The following CNTN5 variants were observed in gnomAD, a reference collection of about 807,000 sequenced individuals.
CNTN5 encodes the protein contactin 5, also known as contactin-5.
A neutral mutation model predicts 129.1 loss-of-function variants in CNTN5; 77 were observed. The ratio of observed to expected loss-of-function variants is 0.60; its 90% CI spans 0.50 to 0.72. The LOEUF (loss-of-function observed/expected upper bound fraction) is 0.72, where lower values mean the gene tolerates loss of function less well. CNTN5 is among the 30% of genes least tolerant of loss of function. The probability of loss-of-function intolerance (pLI) is 0.00; values close to 1 mark genes in which losing one functional copy is unlikely to be tolerated. For missense variants in CNTN5, 1,478 were observed against 1,328.8 expected, an observed-to-expected ratio of 1.11 and a Z score of -1.75; for synonymous variants, 509 against 465.6, an observed-to-expected ratio of 1.09 and a Z score of -1.20.
intron 16 of CNTN5, among the ~76,000 whole-genome samples, chr11:100,236,665 TA>T (rs552567872): frequency 1.3e-4 from 20 of 152,084 alleles, no homozygotes; most frequent in Non-Finnish European, 2.4e-4. Flanking sequence ...GACATGCTCC[TA>T]TAAGTTCCCC....
intron 2 of CNTN5, among the ~76,000 whole-genome samples, chr11:99,451,618 A>C (rs1048662329): frequency 6.6e-6 from 1 of 152,124 alleles, no homozygotes; most frequent in Admixed American, 6.5e-5. Flanking sequence ...GAGCAGAATT[A>C]TTTTTTTGCC....
intron 17 of CNTN5, among the ~76,000 whole-genome samples, chr11:100,260,438 C>T (rs113243028): frequency 0.018 from 2,787 of 152,296 alleles, 99 homozygotes; most frequent in African/African-American, 0.064. Flanking sequence ...CTCCCTAACT[C>T]ATTTTAAGAG....
chr11:99,461,745 C>A (rs541973522), intron 2 of CNTN5, among the ~76,000 whole-genome samples: 45 of 152,114 alleles, frequency 3.0e-4, no homozygotes, highest in African/African-American at 1.1e-3. Context: ...AGTATAAACT[C>A]TTTTCCATGT....
At chr11:99,712,860 C>T (rs912436119) in intron 3 of CNTN5, among the ~76,000 whole-genome samples, 21 of 151,932 alleles carry the variant, frequency 1.4e-4, no homozygotes, top group East Asian at 7.7e-4. Flanking sequence ...GTACTAGTAC[C>T]GTGCTGTTTT....
intron 15 of CNTN5, among the ~76,000 whole-genome samples, chr11:100,214,802 C>T (rs554341258): frequency 2.0e-5 from 3 of 152,318 alleles, no homozygotes; most frequent in South Asian, 2.1e-4. Flanking sequence ...TGTACAAGTA[C>T]TCCAAAACCT....
chr11:100,229,697 G>A (rs1949451129), intron 16 of CNTN5, among the ~76,000 whole-genome samples: 4 of 152,172 alleles, frequency 2.6e-5, no homozygotes, highest in African/African-American at 9.7e-5. Context: ...CAGTATTAAT[G>A]TGCTGTATCT....
At chr11:99,202,939 A>G (rs1284347834) in intron 1 of CNTN5, among the ~76,000 whole-genome samples, 1 of 151,958 alleles carries the variant, frequency 6.6e-6, no homozygotes, top group South Asian at 2.1e-4. Context: ...AAGAGAGACA[A>G]TAAGTGAGAG....
chr11:99,261,905 G>A (rs757804574), intron 1 of CNTN5, among the ~76,000 whole-genome samples: 6 of 151,998 alleles, frequency 3.9e-5, no homozygotes, highest in Admixed American at 2.0e-4. Flanking sequence ...GCCAAATCAT[G>A]AGAAAGCAAA....
rs1022484445 is a variant in CNTN5 at position 99,947,359 on chromosome 11, T to A, written c.674-9447T>A. On this transcript the variant is annotated intron_variant, in intron 7 of 24. Transcript: ENST00000524871. ...TTTATGATTAGGTTTTTTTTTTTTT[T>A]AAACAGGTGAGCAATAGGGACAAAT... 6.3e-5 allele frequency among the ~76,000 whole-genome samples: 9 copies of A among 143,130 alleles called. No individual in the cohort carries two copies. In the South Asian group the frequency reaches 6.8e-4, roughly 11 times the overall value. The allele number at this position is 143,130 out of a possible 152,430, so 93.9% of individuals were successfully genotyped here. A position where few individuals can be genotyped will look rare whatever the true frequency, so the allele number is the denominator to read the frequency against.
intron 3 of CNTN5, among the ~76,000 whole-genome samples, chr11:99,643,734 A>G (rs1379737920): frequency 6.6e-6 from 1 of 152,158 alleles, no homozygotes; most frequent in African/African-American, 2.4e-5. Flanking sequence ...CAAACCCTAC[A>G]TAGATGGGAA....
chr11:100,303,598 T>C (rs1246898972), intron 20 of CNTN5, among the ~76,000 whole-genome samples: 1 of 151,398 alleles, frequency 6.6e-6, no homozygotes, highest in Non-Finnish European at 1.5e-5. Flanking sequence ...CTTTCTAGTT[T>C]TCTTGGCTTT....
intron 9 of CNTN5, among the ~76,000 whole-genome samples, chr11:100,026,470 C>T (rs942444582): frequency 2.0e-5 from 3 of 152,098 alleles, no homozygotes; most frequent in African/African-American, 7.2e-5. Flanking sequence ...AAACTGATTT[C>T]CAAAATGACT....
intron 18 of CNTN5, among the ~76,000 whole-genome samples, chr11:100,288,924 G>T (rs1445614142): frequency 6.6e-6 from 1 of 151,938 alleles, no homozygotes; most frequent in Non-Finnish European, 1.5e-5. Context: ...TGATAAAGGA[G>T]ATATCACCAC....
chr11:100,285,905 T>A (rs919004971), intron 18 of CNTN5, among the ~76,000 whole-genome samples: 1 of 152,164 alleles, frequency 6.6e-6, no homozygotes, highest in Non-Finnish European at 1.5e-5. Flanking sequence ...GCGCGCACCG[T>A]GCGCGAGCCG....
At chr11:99,835,976 C>T (rs554834900) in intron 4 of CNTN5, among the ~76,000 whole-genome samples, 7 of 151,948 alleles carry the variant, frequency 4.6e-5, no homozygotes, top group South Asian at 2.1e-4. Flanking sequence ...AGGGCAAGTC[C>T]GTAAAGTGAA....
Position 99,320,743 on chromosome 11 carries a change from G to A in CNTN5, c.-209-4603G>A, listed in dbSNP as rs560284834. Among the ~76,000 whole-genome samples, 22 of 152,328 alleles carry A rather than the reference G, an allele frequency of 1.4e-4. 1 individual carries two copies. In the South Asian group the frequency reaches 4.6e-3, roughly 32 times the overall value. ...AATAAAATAGGGCAAATGTTGAAGG[G>A]TGATGTAAGGTTAAGACAGTGTGAT... On this transcript the variant is annotated intron_variant, in intron 1 of 24. Coordinates refer to ENST00000524871, the MANE Select transcript of CNTN5 (RefSeq NM_014361.4).
In CNTN5 at chr11:99,786,107, C is replaced by T. The variant is rs541053350; in HGVS notation, c.56-33437C>T. ...ACATGATTGTATCTTTAGAAAACCC[C>T]GTCGTCTCAGCCCCAAATCTCCTTA... On this transcript the variant is annotated intron_variant, in intron 3 of 24. Transcript: ENST00000524871. Among the ~76,000 whole-genome samples the T allele has an allele frequency of 5.2e-4, 79 of 152,078 alleles. 1 individual carries two copies. The Middle Eastern group carries it at 0.01, about 20-fold the overall frequency.
At chr11:99,257,297 T>C (rs1350995827) in intron 1 of CNTN5, among the ~76,000 whole-genome samples, 1 of 152,160 alleles carries the variant, frequency 6.6e-6, no homozygotes, top group Non-Finnish European at 1.5e-5. Flanking sequence ...ATTTCACATG[T>C]GAGGAAGTGA....
intron 3 of CNTN5, among the ~76,000 whole-genome samples, chr11:99,599,828 G>GA (rs1950258838): frequency 6.6e-6 from 1 of 152,024 alleles, no homozygotes; most frequent in African/African-American, 2.4e-5. Flanking sequence ...ATCCATATAG[G>GA]AAAATGACAG....
Sources: gnomAD v4.1 joint callset for allele counts (sites outside exome capture counted in the v4.1 genomes callset) on GRCh38, gnomAD v4.1.1 for gene constraint, MANE v1.5 for transcripts, NCBI Gene and HGNC (gene_info 2026-07-23, HGNC 2026-07-21) for gene names.